EPHA6: variants seen among roughly 807,000 people sequenced by gnomAD.
EPHA6 encodes EPH receptor A6, also known as ephrin type-A receptor 6.
Under a neutral mutation model 112.0 loss-of-function variants are expected in EPHA6, and 50 were observed. That is an observed-to-expected ratio of 0.45 (90% CI 0.36 to 0.56). EPHA6 has a LOEUF of 0.56. Among genes scored for constraint, EPHA6 ranks in the 20% least tolerant of loss-of-function variants. The pLI is 0.00. For synonymous variants in EPHA6, 529 were observed against 490.7 expected (o/e 1.08, Z -1.03); for missense variants, 1,280 against 1,417.4 (o/e 0.90, Z 1.56).
At chr3:97,250,665 A>T (rs555258161) in intron 5 of EPHA6, among the ~76,000 whole-genome samples, 42 of 152,322 alleles carry the variant, frequency 2.8e-4, no homozygotes, top group African/African-American at 8.4e-4. Context: ...ATCATATGAT[A>T]TAAGGCTCTA....
At chr3:97,488,385 T>A (rs1242926604) in intron 10 of EPHA6, among the ~76,000 whole-genome samples, 1 of 152,180 alleles carries the variant, frequency 6.6e-6, no homozygotes, top group Non-Finnish European at 1.5e-5. Flanking sequence ...AAAGTGAGTG[T>A]CAAGCCTAAT....
At chr3:97,077,333 A>T (rs2046560062) in intron 3 of EPHA6, among the ~76,000 whole-genome samples, 1 of 152,124 alleles carries the variant, frequency 6.6e-6, no homozygotes, top group South Asian at 2.1e-4. Flanking sequence ...ATGTTTGTGG[A>T]AATAGCAAGA....
intron 10 of EPHA6, among the ~76,000 whole-genome samples, chr3:97,484,894 A>T (rs2091659626): frequency 6.6e-6 from 1 of 152,242 alleles, no homozygotes; most frequent in African/African-American, 2.4e-5. Context: ...CTTTTAAGGC[A>T]ATCACCTGAA....
At chr3:97,591,840 C>G (rs2093547627) in intron 11 of EPHA6, among the ~76,000 whole-genome samples, 1 of 152,076 alleles carries the variant, frequency 6.6e-6, no homozygotes, top group Non-Finnish European at 1.5e-5. Flanking sequence ...GTCTACCAAC[C>G]ACGTGGCAGT....
chr3:97,282,311 A>G (rs2108664887), intron 5 of EPHA6, among the ~76,000 whole-genome samples: 1 of 152,306 alleles, frequency 6.6e-6, no homozygotes, highest in South Asian at 2.1e-4. Context: ...GCCACTTAGA[A>G]TGGCAATTAT....
intron 14 of EPHA6, among the ~76,000 whole-genome samples, chr3:97,700,993 T>G (rs778488090): frequency 5.9e-4 from 90 of 152,216 alleles, no homozygotes; most frequent in Non-Finnish European, 1.2e-3. Context: ...AGGTAGGTTG[T>G]GTCAGAGAGT....
At chr3:97,716,109 AT>A (rs1467784655) in intron 14 of EPHA6, among the ~76,000 whole-genome samples, 1 of 152,202 alleles carries the variant, frequency 6.6e-6, no homozygotes, top group East Asian at 1.9e-4. Flanking sequence ...CTAAAGTACT[AT>A]TTGTTCATTC....
intron 2 of EPHA6, among the ~76,000 whole-genome samples, chr3:96,962,056 A>G (rs1451740027): frequency 6.6e-6 from 1 of 152,138 alleles, no homozygotes; most frequent in African/African-American, 2.4e-5. Context: ...TCCAGGAATT[A>G]TTTGCTGAGG....
chr3:96,977,232 G>A (rs138817028), intron 2 of EPHA6, among the ~76,000 whole-genome samples: 146 of 152,218 alleles, frequency 9.6e-4, no homozygotes, highest in African/African-American at 3.4e-3. Context: ...GAATGGAACT[G>A]CAGGCTATTA....
intron 1 of EPHA6, among the ~76,000 whole-genome samples, chr3:96,831,564 C>T (rs1402114996): frequency 6.6e-6 from 1 of 151,734 alleles, no homozygotes; most frequent in African/African-American, 2.4e-5. Context: ...AAAGATGATC[C>T]ATTCCTGTAT....
At chr3:97,648,299 C>T in intron 14 of EPHA6, 1 of 1,273,850 alleles carries the variant, frequency 7.9e-7, no homozygotes, top group Non-Finnish European at 1.1e-6. Flanking sequence ...CTCTTCCAAA[C>T]TCTAACACTT....
intron 3 of EPHA6, among the ~76,000 whole-genome samples, chr3:97,171,762 GA>G (rs1463443110): frequency 6.6e-6 from 1 of 151,940 alleles, no homozygotes; most frequent in Non-Finnish European, 1.5e-5. Context: ...ATGATTCCCA[GA>G]AGATAATTTG....
At chr3:97,226,237 A>C (rs1243115301) in intron 3 of EPHA6, 27 bp from the exon 4 acceptor site, 1 of 1,576,138 alleles carries the variant, frequency 6.3e-7, no homozygotes, top group Non-Finnish European at 8.6e-7. Context: ...ATAATAACTA[A>C]AAAAGTGTTT....
chr3:97,263,397 T>A (rs1006915554), intron 5 of EPHA6, among the ~76,000 whole-genome samples: 1 of 151,418 alleles, frequency 6.6e-6, no homozygotes, highest in African/African-American at 2.4e-5. Context: ...CTTTAAATTT[T>A]CATGAATTTT....
intron 12 of EPHA6, among the ~76,000 whole-genome samples, chr3:97,593,040 G>A (rs903124571): frequency 6.6e-6 from 1 of 152,024 alleles, no homozygotes; most frequent in African/African-American, 2.4e-5. Context: ...AAACAAAGAT[G>A]GACTTCAGAC....
At chr3:97,124,145 T>C (rs2048117097) in intron 3 of EPHA6, among the ~76,000 whole-genome samples, 1 of 152,086 alleles carries the variant, frequency 6.6e-6, no homozygotes, top group African/African-American at 2.4e-5. Context: ...CTTATATTCA[T>C]GTGAAATGCC....
intron 14 of EPHA6, among the ~76,000 whole-genome samples, chr3:97,672,070 CA>C (rs1238042485): frequency 6.6e-6 from 1 of 152,008 alleles, no homozygotes; most frequent in East Asian, 1.9e-4. Context: ...AGATGAAAAA[CA>C]AAAAAGTTTC....
intron 11 of EPHA6, among the ~76,000 whole-genome samples, chr3:97,588,255 C>G (rs895684664): frequency 7.9e-5 from 12 of 152,176 alleles, no homozygotes; most frequent in African/African-American, 2.9e-4. Context: ...AAACTTATTA[C>G]TGAACAAGGT....
At chr3:96,973,172 G>C (rs2042383419) in intron 2 of EPHA6, among the ~76,000 whole-genome samples, 1 of 152,004 alleles carries the variant, frequency 6.6e-6, no homozygotes, top group Non-Finnish European at 1.5e-5. Flanking sequence ...GATGTAGAAG[G>C]GTTTTTAGAG....
Sources: allele counts gnomAD v4.1 joint callset (sites outside exome capture counted in the v4.1 genomes callset), GRCh38; gene constraint gnomAD v4.1.1; transcripts MANE v1.5; gene names NCBI Gene and HGNC (gene_info 2026-07-23, HGNC 2026-07-21).